MTMR9: variants seen among roughly 807,000 people sequenced by gnomAD.
MTMR9 encodes myotubularin related protein 9.
A neutral mutation model predicts 69.5 loss-of-function variants in MTMR9; 39 were observed. The observed-to-expected ratio is 0.56, with a 90% confidence interval of 0.43 to 0.73. The LOEUF (loss-of-function observed/expected upper bound fraction) is 0.73. Among genes scored for constraint, MTMR9 ranks in the 30% least tolerant of loss-of-function variants. MTMR9 has a pLI of 0.00. For missense variants in MTMR9, 900 were observed against 671.2 expected (o/e 1.34, Z -3.77); for synonymous variants, 354 against 240.8 (o/e 1.47, Z -4.35).
chr8:11,309,028 G>A (rs1417213794), intron 5 of MTMR9, among the ~76,000 whole-genome samples: 4 of 152,094 alleles, frequency 2.6e-5, no homozygotes, highest in Non-Finnish European at 5.9e-5. Context: ...ACCTATTTTC[G>A]CACAGTTTCC....
chr8:11,332,761 G>A (rs1003092280), downstream of MTMR9, among the ~76,000 whole-genome samples: 9 of 151,956 alleles, frequency 5.9e-5, no homozygotes, highest in Non-Finnish European at 1.0e-4. Flanking sequence ...GCCACCACAC[G>A]CAGCTAATTT....
Position 11,324,723 on chromosome 8 carries a change from G to T in MTMR9, c.*1935G>T, listed in dbSNP as rs1255923110. On this transcript the variant is annotated 3_prime_UTR_variant, in exon 10 of 10. Coordinates refer to ENST00000221086, the MANE Select transcript of MTMR9 (RefSeq NM_015458.4). Reference sequence around the variant, plus strand: ...GTGACTCCCATTAGCCTGGTGTGGTGGTGTGTGCCTATAGTCCCAGCCACT... The same window carrying T: ...GTGACTCCCATTAGCCTGGTGTGGTTGTGTGTGCCTATAGTCCCAGCCACT... 1.3e-5 allele frequency: 2 copies of T among 152,184 alleles called. No homozygotes were observed. Among genetic ancestry groups the T allele is most frequent in the East Asian group, 1.9e-4 (1 of 5,192 alleles). The allele number at this position is 152,184 out of a possible 1,614,324, so 9.4% of individuals were successfully genotyped here. A position where few individuals can be genotyped will look rare whatever the true frequency, so the allele number is the denominator to read the frequency against.
At chr8:11,286,558 C>T (rs1011369265) in intron 1 of MTMR9, among the ~76,000 whole-genome samples, 1 of 150,146 alleles carries the variant, frequency 6.7e-6, no homozygotes, top group African/African-American at 2.5e-5. Flanking sequence ...CCCAGTTACT[C>T]AGGAGGCTGA....
chr8:11,329,805 CG>C, downstream of MTMR9, among the ~76,000 whole-genome samples: 1 of 151,660 alleles, frequency 6.6e-6, no homozygotes, highest in Non-Finnish European at 1.5e-5. Flanking sequence ...CCCCTCTGCC[CG>C]GCTGCCCAGT....
At chr8:11,319,876 G>C (rs370982574) in intron 9 of MTMR9, 38 bp downstream of exon 9, 6 of 1,608,372 alleles carry the variant, frequency 3.7e-6, no homozygotes, top group Non-Finnish European at 4.2e-6. Flanking sequence ...TTAACGGTCA[G>C]GTGTGCATGC....
intron 2 of MTMR9, among the ~76,000 whole-genome samples, chr8:11,295,971 A>G (rs182470389): frequency 1.1e-4 from 16 of 152,296 alleles, no homozygotes; most frequent in South Asian, 2.1e-4. Flanking sequence ...TCACTTCTCT[A>G]CCAGGTTAGC....
chr8:11,307,391 G>T (rs1799980935), intron 5 of MTMR9, among the ~76,000 whole-genome samples: 1 of 152,106 alleles, frequency 6.6e-6, no homozygotes, highest in East Asian at 1.9e-4. Flanking sequence ...TTTTAAGGCT[G>T]AATAGTATTT....
chr8:11,328,700 T>A (rs1801057493), downstream of MTMR9, among the ~76,000 whole-genome samples: 1 of 152,130 alleles, frequency 6.6e-6, no homozygotes, highest in Non-Finnish European at 1.5e-5. Context: ...CAGAATATAA[T>A]CTCCAAATAG....
At chr8:11,329,982 G>A (rs1801136247), downstream of MTMR9, among the ~76,000 whole-genome samples, 1 of 151,602 alleles carries the variant, frequency 6.6e-6, no homozygotes, top group Admixed American at 6.6e-5. Flanking sequence ...TCTGAGAAGT[G>A]AGGAGCCCCT....
chr8:11,322,018 A>G (rs1800716570), intron 9 of MTMR9, among the ~76,000 whole-genome samples: 1 of 152,186 alleles, frequency 6.6e-6, no homozygotes, highest in Non-Finnish European at 1.5e-5. Context: ...AGGAGAAAAT[A>G]TTTCCTTTTG....
rs1801029536 is a variant in MTMR9 at position 11,328,095 on chromosome 8, C to CTA, written c.*5310_*5311dup. ...TGCACAGATGGCTAGTGTTAAATTT[C>CTA]TATAGACGATGGTAATAAAATCTGA... On this transcript the variant is annotated 3_prime_UTR_variant, in exon 10 of 10. Coordinates refer to ENST00000221086, the MANE Select transcript of MTMR9 (RefSeq NM_015458.4). The CTA allele has an allele frequency of 6.6e-6, 1 of 152,038 alleles. No individual in the cohort carries two copies. The highest frequency in any genetic ancestry group is 1.5e-5 in the Non-Finnish European group (1 of 68,008). 9.4% of individuals were successfully genotyped at this position (152,038 alleles called of 1,614,324 possible).
Position 11,314,461 on chromosome 8 carries a change from G to C in MTMR9, c.972-462G>C, listed in dbSNP as rs565093417. Reference sequence around the variant, plus strand: ...AGATTGAATTACAGTTTATGAAGGTGTCCTTATAGTCAGCTGATGGTGGAA... The same window carrying C: ...AGATTGAATTACAGTTTATGAAGGTCTCCTTATAGTCAGCTGATGGTGGAA... On this transcript the variant is annotated intron_variant, in intron 6 of 9. Transcript: ENST00000221086. 2.6e-5 allele frequency among the ~76,000 whole-genome samples: 4 copies of C among 152,254 alleles called. No homozygotes were observed. In the South Asian group the frequency reaches 8.3e-4, roughly 32 times the overall value.
In MTMR9 at chr8:11,287,322, T is replaced by C. The variant is rs1476353437; in HGVS notation, c.182+2252T>C. On this transcript the variant is annotated intron_variant, in intron 1 of 9. Coordinates refer to ENST00000221086, the MANE Select transcript of MTMR9 (RefSeq NM_015458.4). ...ACCTTTTATGGTGGTTACTTTGCGCTCATTTGTTTCCTCCTTTTTACCTTG... is the reference window on the plus strand; with the variant it reads ...ACCTTTTATGGTGGTTACTTTGCGCCCATTTGTTTCCTCCTTTTTACCTTG... Among the ~76,000 whole-genome samples the C allele has an allele frequency of 5.3e-5, 8 of 152,316 alleles. No individual in the cohort carries two copies. The East Asian group carries it at 1.5e-3, about 29-fold the overall frequency.
At position 11,315,045 on chromosome 8, in the gene MTMR9, T is replaced by C. The variant is rs1800358044; in HGVS notation, c.1094T>C (p.Ile365Thr). 4 of 1,613,666 alleles carry C rather than the reference T, an allele frequency of 2.5e-6. No individual in the cohort carries two copies. Among genetic ancestry groups the C allele is most frequent in the East Asian group, 2.2e-5 (1 of 44,878 alleles). ...SRTIRGFEAL[I>T]EREWLQAGHP... is the part of the protein sequence containing the mutation. ...ACCATTCGTGGTTTTGAGGCCCTGA[T>C]TGAAAGAGAGTGGCTGCAGGTGAGA... Residue 365 changes from isoleucine (I) to threonine (T), a missense_variant, in exon 7 of 10, where the codon ATT (isoleucine) becomes ACT (threonine). Transcript: ENST00000221086.
chr8:11,306,432 G>A, intron 5 of MTMR9, 25 bp downstream of exon 5: 1 of 1,601,952 alleles, frequency 6.2e-7, no homozygotes, highest in Non-Finnish European at 8.5e-7. Flanking sequence ...AGATAGTACA[G>A]ACTCTTATTA....
In MTMR9 at chr8:11,306,789, A is replaced by G. The variant is rs138288944; in HGVS notation, c.809+382A>G. Among the ~76,000 whole-genome samples the G allele has an allele frequency of 1.1e-4, 17 of 152,304 alleles. No individual in the cohort carries two copies. In the East Asian group the frequency reaches 3.3e-3, roughly 29 times the overall value. ...AGTTACCATGCTGTACAATAGACCT[A>G]CAGAACTAATTCCTCCTAAGTGAAA... On this transcript the variant is annotated intron_variant, in intron 5 of 9. Coordinates refer to ENST00000221086, the MANE Select transcript of MTMR9 (RefSeq NM_015458.4).
chr8:11,321,440 C>G (rs1304336818), intron 9 of MTMR9: 2 of 456,340 alleles, frequency 4.4e-6, no homozygotes, highest in Non-Finnish European at 8.8e-6. Flanking sequence ...TGGGAGAAAA[C>G]CCACATTGGG....
chr8:11,308,776 T>C (rs993064500), intron 5 of MTMR9, among the ~76,000 whole-genome samples: 2 of 152,184 alleles, frequency 1.3e-5, no homozygotes, highest in Non-Finnish European at 2.9e-5. Flanking sequence ...AAAGGTTTGT[T>C]AGTTTTATCT....
chr8:11,332,760 C>T (rs749424491), downstream of MTMR9, among the ~76,000 whole-genome samples: 8 of 152,222 alleles, frequency 5.3e-5, no homozygotes, highest in South Asian at 2.1e-4. Flanking sequence ...TGCCACCACA[C>T]GCAGCTAATT....
Sources: allele counts gnomAD v4.1 joint callset (sites outside exome capture counted in the v4.1 genomes callset), GRCh38; gene constraint gnomAD v4.1.1; transcripts MANE v1.5; gene names NCBI Gene and HGNC (gene_info 2026-07-23, HGNC 2026-07-21).